CLSTN1: variants seen among roughly 807,000 people sequenced by gnomAD.
The protein encoded by CLSTN1 is calsyntenin-1.
CLSTN1 carries 28 observed loss-of-function variants against 108.3 expected under a neutral mutation model. The ratio of observed to expected loss-of-function variants is 0.26; its 90% CI spans 0.19 to 0.35. The LOEUF is 0.35. Ranked by LOEUF, CLSTN1 falls within the 10% of genes least tolerant of loss-of-function variation. The pLI, the probability that CLSTN1 is intolerant of heterozygous loss-of-function variation, is 1.00. For synonymous variants in CLSTN1, 524 were observed against 534.9 expected (o/e 0.98, Z 0.28); for missense variants, 1,157 against 1,302.6 (o/e 0.89, Z 1.72).
At chr1:9,736,145 T>C in intron 11 of CLSTN1, 103 bp from the exon 12 acceptor site, 1 of 1,398,376 alleles carries the variant, frequency 7.2e-7, no homozygotes, top group Non-Finnish European at 1.0e-6. Flanking sequence ...GCTCAGTGGA[T>C]GGACATGCGG....
At chr1:9,752,835 C>G (rs7514164) in intron 4 of CLSTN1, among the ~76,000 whole-genome samples, 7,063 of 152,096 alleles carry the variant, frequency 0.046, 520 homozygotes, top group African/African-American at 0.16. Flanking sequence ...GCACTCCAGC[C>G]TGGGTGACAG....
intron 2 of CLSTN1, among the ~76,000 whole-genome samples, chr1:9,765,150 G>A (rs1271911148): frequency 6.6e-6 from 1 of 152,064 alleles, no homozygotes; most frequent in East Asian, 1.9e-4. Flanking sequence ...CAGCACTTTG[G>A]GAGGCAGGCA....
At chr1:9,764,106 AAG>A (rs772208381) in intron 2 of CLSTN1, among the ~76,000 whole-genome samples, 10,118 of 119,698 alleles carry the variant, frequency 0.085, 1,034 homozygotes, top group African/African-American at 0.33. Flanking sequence ...GGGAGAAAGA[AAG>A]AGAGAGAGAG....
intron 1 of CLSTN1, among the ~76,000 whole-genome samples, chr1:9,818,911 C>A (rs1207993380): frequency 1.3e-5 from 2 of 151,010 alleles, no homozygotes; most frequent in Non-Finnish European, 2.9e-5. Context: ...CTCAGCCTCC[C>A]GAATAGCTGG....
At chr1:9,746,846 TA>T (rs1172291448) in intron 7 of CLSTN1, among the ~76,000 whole-genome samples, 2 of 152,076 alleles carry the variant, frequency 1.3e-5, no homozygotes, top group Non-Finnish European at 2.9e-5. Flanking sequence ...ACCTACTTCG[TA>T]GACTTGTTGG....
chr1:9,821,117 T>A (rs1172115849), intron 1 of CLSTN1, among the ~76,000 whole-genome samples: 3 of 152,236 alleles, frequency 2.0e-5, no homozygotes, highest in Non-Finnish European at 4.4e-5. Context: ...CAAAGATATT[T>A]CTTCTAATAT....
chr1:9,788,910 A>G (rs1008362698), intron 1 of CLSTN1, among the ~76,000 whole-genome samples: 2 of 150,152 alleles, frequency 1.3e-5, no homozygotes, highest in Admixed American at 6.8e-5. Flanking sequence ...TGACTATTCT[A>G]GTACCTCATA....
intron 1 of CLSTN1, among the ~76,000 whole-genome samples, chr1:9,816,892 C>G (rs369346736): frequency 6.6e-6 from 1 of 152,306 alleles, no homozygotes; most frequent in African/African-American, 2.4e-5. Context: ...GATGATCCGC[C>G]CACCTCGGCC....
At chr1:9,772,422 C>T (rs1652736846) in intron 2 of CLSTN1, among the ~76,000 whole-genome samples, 1 of 152,156 alleles carries the variant, frequency 6.6e-6, no homozygotes, top group African/African-American at 2.4e-5. Flanking sequence ...ATCCTCCTGC[C>T]TCAGCCTCCC....
At chr1:9,797,957 G>C (rs1223166994) in intron 1 of CLSTN1, among the ~76,000 whole-genome samples, 1 of 151,888 alleles carries the variant, frequency 6.6e-6, no homozygotes, top group African/African-American at 2.4e-5. Flanking sequence ...AGCCAGGCGT[G>C]GGGGTACATG....
chr1:9,777,383 C>T (rs192783836), intron 1 of CLSTN1, among the ~76,000 whole-genome samples: 23 of 147,918 alleles, frequency 1.6e-4, no homozygotes, highest in African/African-American at 5.3e-4. Flanking sequence ...ATTAGCTGGG[C>T]GTGGTGGCAC....
intron 2 of CLSTN1, among the ~76,000 whole-genome samples, chr1:9,768,431 C>A (rs1386070557): frequency 5.1e-5 from 2 of 39,030 alleles, no homozygotes; most frequent in South Asian, 8.6e-4. Context: ...GGGTTCTGTG[C>A]TGGGCGGCAC....
intron 1 of CLSTN1, among the ~76,000 whole-genome samples, chr1:9,805,615 C>T (rs1654470677): frequency 6.6e-6 from 1 of 152,038 alleles, no homozygotes; most frequent in African/African-American, 2.4e-5. Context: ...ACCTGCAATC[C>T]CAGCACTTTG....
At chr1:9,814,369 G>A (rs1407640212) in intron 1 of CLSTN1, among the ~76,000 whole-genome samples, 3 of 151,928 alleles carry the variant, frequency 2.0e-5, no homozygotes, top group African/African-American at 2.4e-5. Context: ...AGCTGAGATC[G>A]TGCCACTGCA....
At chr1:9,776,864 A>ATCTATCTG (rs1413806110) in intron 1 of CLSTN1, among the ~76,000 whole-genome samples, 1 of 121,304 alleles carries the variant, frequency 8.2e-6, no homozygotes, top group Non-Finnish European at 1.7e-5. Flanking sequence ...ATCAGCATTT[A>ATCTATCTG]TCTATCTATC....
chr1:9,762,840 C>T (rs572199020), intron 2 of CLSTN1, among the ~76,000 whole-genome samples: 28 of 152,288 alleles, frequency 1.8e-4, no homozygotes, highest in South Asian at 1.5e-3. Context: ...CCGCACTCAA[C>T]GGCTGGGTGT....
chr1:9,768,175 C>G (rs972109644), intron 2 of CLSTN1, among the ~76,000 whole-genome samples: 2 of 152,128 alleles, frequency 1.3e-5, no homozygotes, highest in Non-Finnish European at 2.9e-5. Context: ...CTCATAGGGT[C>G]CTGTTCTGTG....
rs1273897764 is a variant in CLSTN1, at chr1:9,730,131, G to C, written c.*377C>G. Reference sequence around the variant, plus strand: ...AAAAGAAAAAAATGATTACCGGGTGGGAGTGAGCATGTTTTACCCTTTGTC... The same window carrying C: ...AAAAGAAAAAAATGATTACCGGGTGCGAGTGAGCATGTTTTACCCTTTGTC... On this transcript the variant is annotated 3_prime_UTR_variant, in exon 19 of 19. Transcript: ENST00000377298. The surrounding 1 kb of genome is among the most constrained non-coding windows in gnomAD (Gnocchi z 5.6). The C allele has an allele frequency of 3.5e-6, 1 of 285,372 alleles. No individual in the cohort carries two copies. Among genetic ancestry groups the C allele is most frequent in the Non-Finnish European group, 6.7e-6 (1 of 150,104 alleles). The allele number at this position is 285,372 out of a possible 1,614,324, so 17.7% of individuals were successfully genotyped here.
intron 2 of CLSTN1, among the ~76,000 whole-genome samples, chr1:9,760,769 T>A (rs1314266586): frequency 6.8e-6 from 1 of 146,942 alleles, no homozygotes; most frequent in East Asian, 2.0e-4. Flanking sequence ...GCTCAAGTGA[T>A]CCACCTGCCT....
Sources: gnomAD v4.1 joint callset for allele counts (sites outside exome capture counted in the v4.1 genomes callset) on GRCh38, gnomAD v4.1.1 for gene constraint, Gnocchi (gnomAD v3.1) non-coding constraint, MANE v1.5 for transcripts, NCBI Gene and HGNC (gene_info 2026-07-23, HGNC 2026-07-21) for gene names.